The following PTPN2 variants were observed in gnomAD, a reference collection of about 807,000 sequenced individuals.
PTPN2 encodes tyrosine-protein phosphatase non-receptor type 2.
Under a neutral mutation model 57.3 loss-of-function variants are expected in PTPN2, and 19 were observed. The observed-to-expected ratio is 0.33, with a 90% CI of 0.23 to 0.49. The LOEUF is 0.49. Among genes scored for constraint, PTPN2 ranks in the 20% least tolerant of loss-of-function variants. The probability of loss-of-function intolerance (pLI) is 0.99; values close to 1 mark genes in which losing one functional copy is unlikely to be tolerated. For synonymous variants in PTPN2, 153 were observed against 164.9 expected (o/e 0.93, Z 0.55); for missense variants, 358 against 501.1 (o/e 0.71, Z 2.73).
chr18:12,804,223 C>T lies in PTPN2; in HGVS notation c.859-2072G>A, dbSNP rs552118516. 4.0e-4 allele frequency among the ~76,000 whole-genome samples: 51 copies of T among 127,504 alleles called. No individual in the cohort carries two copies. In the South Asian group the frequency reaches 0.012, roughly 30 times the overall value. The allele number at this position is 127,504 out of a possible 152,430, so 83.6% of individuals were successfully genotyped here. A position where few individuals can be genotyped will look rare whatever the true frequency, so the allele number is the denominator to read the frequency against. On this transcript the variant is annotated intron_variant, in intron 7 of 8. Transcript: ENST00000309660. ...ATAAGAATCACTTGAACCCGGGAGG[C>T]GGAGGTTGCACTGAGCCAAAATCAT... is the stretch of plus-strand genomic sequence containing the variant.
chr18:12,845,707 C>CATGTA (rs2043184358), intron 2 of PTPN2, among the ~76,000 whole-genome samples: 1 of 152,060 alleles, frequency 6.6e-6, no homozygotes, highest in Non-Finnish European at 1.5e-5. Flanking sequence ...GGATTCAGTA[C>CATGTA]CTCAAGTTTA....
At chr18:12,851,867 T>G (rs922265120) in intron 2 of PTPN2, among the ~76,000 whole-genome samples, 1 of 152,236 alleles carries the variant, frequency 6.6e-6, no homozygotes, top group Non-Finnish European at 1.5e-5. Context: ...TGAGTCTCTG[T>G]GTTAATTTCC....
intron 4 of PTPN2, among the ~76,000 whole-genome samples, chr18:12,826,988 C>A (rs2042488145): frequency 6.6e-6 from 1 of 152,340 alleles, no homozygotes; most frequent in Admixed American, 6.5e-5. Context: ...ATTTTAACGT[C>A]ATGGGACATT....
intron 1 of PTPN2, among the ~76,000 whole-genome samples, chr18:12,877,376 G>C (rs2044524756): frequency 1.3e-5 from 2 of 152,206 alleles, no homozygotes; most frequent in Admixed American, 1.3e-4. Context: ...GGAGACTACG[G>C]TCTAGTCTTG....
chr18:12,802,263 T>C (rs1194422480), intron 7 of PTPN2, 112 bp from the exon 8 acceptor site: 2 of 829,302 alleles, frequency 2.4e-6, no homozygotes, highest in South Asian at 1.9e-5. Flanking sequence ...AACCCAATGA[T>C]GCTAAAAGAT....
At chr18:12,827,697 A>T (rs987269695) in intron 4 of PTPN2, among the ~76,000 whole-genome samples, 38 of 150,932 alleles carry the variant, frequency 2.5e-4, no homozygotes, top group Admixed American at 7.9e-4. Flanking sequence ...AAAAAAAAAA[A>T]TTTTTTTTAA....
In PTPN2 at chr18:12,817,381, C is replaced by A; in HGVS notation, c.496-16G>T. On this transcript the variant is annotated splice_polypyrimidine_tract_variant and intron_variant, in intron 5 of 8. Transcript: ENST00000309660. Reference sequence around the variant, plus strand: ...TTTCACCACTCTAAAAAGTGAAAATCAAGGGAGAAGTTAGTTCTAACTTTT... The same window carrying A: ...TTTCACCACTCTAAAAAGTGAAAATAAAGGGAGAAGTTAGTTCTAACTTTT... The A allele has an allele frequency of 6.3e-7, 1 of 1,596,102 alleles. No homozygotes were observed. The highest frequency in any genetic ancestry group is 1.1e-5 in the South Asian group (1 of 90,166).
chr18:12,832,174 T>C (rs1333662815), intron 3 of PTPN2, among the ~76,000 whole-genome samples: 1 of 152,162 alleles, frequency 6.6e-6, no homozygotes, highest in Non-Finnish European at 1.5e-5. Flanking sequence ...TAGAGTGCAG[T>C]GTCACGATCT....
intron 1 of PTPN2, among the ~76,000 whole-genome samples, chr18:12,860,205 C>T (rs1401721154): frequency 6.6e-6 from 1 of 151,908 alleles, no homozygotes; most frequent in African/African-American, 2.4e-5. Flanking sequence ...AGAAGAATTG[C>T]TTGAACCCGG....
At chr18:12,840,312 T>C (rs770531402) in intron 2 of PTPN2, among the ~76,000 whole-genome samples, 12 of 152,222 alleles carry the variant, frequency 7.9e-5, no homozygotes, top group Admixed American at 2.0e-4. Context: ...ATATTATGCA[T>C]TCTCTCTCAT....
intron 2 of PTPN2, chr18:12,840,892 C>T: frequency 1.3e-6 from 2 of 1,556,670 alleles, no homozygotes. Flanking sequence ...CAGTCCATGA[C>T]ATATCTTCTC....
chr18:12,872,150 T>C (rs756839281), intron 1 of PTPN2: 1 of 152,190 alleles, frequency 6.6e-6, no homozygotes, highest in Non-Finnish European at 1.5e-5. Flanking sequence ...TCCAACTTTC[T>C]AGGGCTACCC....
rs1457053320 is a variant in PTPN2, at chr18:12,792,435, A to G, written c.*1843T>C. On this transcript the variant is annotated 3_prime_UTR_variant, in exon 9 of 9. Transcript: ENST00000309660. ...GGAGCTGGGACTACAGGCATGCACC[A>G]CCACGCCCAGATAATTTTTGTATTT... 6.3e-6 allele frequency: 1 copy of G among 159,168 alleles called. No individual in the cohort carries two copies. Among genetic ancestry groups the G allele is most frequent in the Non-Finnish European group, 1.3e-5 (1 of 74,598 alleles). The allele number at this position is 159,168 out of a possible 1,614,324, so 9.9% of individuals were successfully genotyped here. A position where few individuals can be genotyped will look rare whatever the true frequency, so the allele number is the denominator to read the frequency against.
intron 7 of PTPN2, among the ~76,000 whole-genome samples, chr18:12,805,732 C>T (rs1015640469): frequency 5.3e-5 from 8 of 149,964 alleles, no homozygotes; most frequent in South Asian, 4.2e-4. Context: ...CAGGTTCAAG[C>T]GATTCTCCTG....
In PTPN2 at chr18:12,870,298, T is replaced by TATAC. The variant is rs199522731; in HGVS notation, c.70-11045_70-11044insGTAT. On this transcript the variant is annotated intron_variant, in intron 1 of 8. Transcript: ENST00000309660. ...GTATATATATACATATACATATATA[T>TATAC]GTGTATATATACATATATATGTGTA... is the stretch of plus-strand genomic sequence containing the variant. Among the ~76,000 whole-genome samples, 17 of 90,842 alleles carry TATAC rather than the reference T, an allele frequency of 1.9e-4. 2 individuals are homozygous for TATAC. In the South Asian group the frequency reaches 2.5e-3, roughly 13 times the overall value. 59.6% of individuals were successfully genotyped at this position (90,842 alleles called of 152,430 possible). A position where few individuals can be genotyped will look rare whatever the true frequency, so the allele number is the denominator to read the frequency against.
In PTPN2 at chr18:12,868,682, C is replaced by T. The variant is rs527713883; in HGVS notation, c.70-9428G>A. On this transcript the variant is annotated intron_variant, in intron 1 of 8. Transcript: ENST00000309660. The stretch of plus-strand genomic sequence containing the variant: ...GGCGTGGTGGCTCACGTTTGTAATT[C>T]CAGCACTTTGGGAGGCTGAGGCGGG... 3.3e-5 allele frequency among the ~76,000 whole-genome samples: 5 copies of T among 150,422 alleles called. No homozygotes were observed. In the South Asian group the frequency reaches 8.6e-4, roughly 26 times the overall value.
At chr18:12,829,504 C>CAAAAAAAAA (rs541731696) in intron 4 of PTPN2, among the ~76,000 whole-genome samples, 1 of 89,128 alleles carries the variant, frequency 1.1e-5, no homozygotes. Flanking sequence ...ACTCTGTCTC[C>CAAAAAAAAA]AAAAAAAAAA....
chr18:12,815,817 C>G (rs910005791), intron 6 of PTPN2, among the ~76,000 whole-genome samples: 1 of 152,186 alleles, frequency 6.6e-6, no homozygotes, highest in South Asian at 2.1e-4. Context: ...AAGAGTATCA[C>G]TCCATTGATC....
At chr18:12,786,671 T>A (rs1250403343) in intron 9 of PTPN2, 1 of 152,196 alleles carries the variant, frequency 6.6e-6, no homozygotes, top group Non-Finnish European at 1.5e-5. Flanking sequence ...TAAGTACTTG[T>A]CAGTATTGTA....
Sources: gnomAD v4.1 joint callset for allele counts (sites outside exome capture counted in the v4.1 genomes callset) on GRCh38, gnomAD v4.1.1 for gene constraint, MANE v1.5 for transcripts, NCBI Gene and HGNC (gene_info 2026-07-23, HGNC 2026-07-21) for gene names.